MISP: variants seen among roughly 807,000 people sequenced by gnomAD.
MISP encodes mitotic spindle positioning, also known as mitotic interactor and substrate of PLK1.
In MISP, 51 loss-of-function variants were observed where a neutral mutation model predicts 49.3. The observed-to-expected ratio is 1.03, with a 90% CI of 0.83 to 1.31. The LOEUF (loss-of-function observed/expected upper bound fraction) is 1.31, where lower values mean the gene tolerates loss of function less well. Among genes scored for constraint, MISP ranks in the 50% most tolerant of loss-of-function variants. The probability of loss-of-function intolerance (pLI) is 0.00; values close to 1 mark genes in which losing one functional copy is unlikely to be tolerated. For synonymous variants in MISP, 444 were observed against 392.6 expected, an observed-to-expected ratio of 1.13 and a Z score of -1.55; for missense variants, 1,084 against 935.1, an observed-to-expected ratio of 1.16 and a Z score of -2.08.
rs1027483791 is a variant in MISP at position 757,838 on chromosome 19, C to T, written c.892C>T (p.Arg298Cys). 8.1e-6 allele frequency: 13 copies of T among 1,611,300 alleles called. No individual in the cohort carries two copies. The highest frequency in any genetic ancestry group is 2.2e-5 in the East Asian group (1 of 44,820). Residue 298 changes from arginine (R) to cysteine (C), a missense_variant, in exon 2 of 5, where the codon CGT (arginine) becomes TGT (cysteine). Transcript: ENST00000215582. ...GGAGACGCCCATCGAGCGGGAGATC[C>T]GTCTGGCTCAGGAGCGTGAGGCAGA... ...PKETPIEREI[R>C]LAQEREADLR...
At position 757,143 on chromosome 19, in the gene MISP, T is replaced by C; in HGVS notation, c.197T>C (p.Val66Ala). ...CAGCAGGGCGTGCAGAGGCAGGGGGTGTCCTACAGCGTGCATGCCTACACT... is the reference window on the plus strand; with the variant it reads ...CAGCAGGGCGTGCAGAGGCAGGGGGCGTCCTACAGCGTGCATGCCTACACT... ...RAQQGVQRQG[V>A]SYSVHAYTGQ... Residue 66 changes from valine to alanine, a missense_variant, in exon 2 of 5, where the codon GTG becomes GCG. Val to Ala is a moderately conservative substitution (Grantham distance 64, BLOSUM62 0). Transcript: ENST00000215582. The C allele has an allele frequency of 6.2e-7, 1 of 1,612,480 alleles. No individual in the cohort carries two copies. Among genetic ancestry groups the C allele is most frequent in the Non-Finnish European group, 8.5e-7 (1 of 1,179,738 alleles).
chr19:757,643 G>T lies in MISP; in HGVS notation c.697G>T (p.Ala233Ser). 1 of 1,613,028 alleles carries T rather than the reference G, an allele frequency of 6.2e-7. No homozygotes were observed. The highest frequency in any genetic ancestry group is 8.5e-7 in the Non-Finnish European group (1 of 1,179,754). Residue 233 changes from alanine to serine, a missense_variant, in exon 2 of 5, where the codon GCC becomes TCC. Ala to Ser is a moderately conservative substitution (Grantham distance 99). Transcript: ENST00000215582. ...TTPGASQAPK[A>S]FNKPHLANGH... ...CCCAGGGGCCAGCCAGGCCCCCAAG[G>T]CCTTCAACAAGCCCCACCTGGCCAA...
chr19:756,801 A>G (rs1599182594), intron 1 of MISP, 89 bp from the exon 2 acceptor site: 1 of 672,684 alleles, frequency 1.5e-6, no homozygotes, highest in Admixed American at 3.0e-5. Context: ...AGGCCATTTG[A>G]TGGACCCTTT....
At chr19:754,504 G>A (rs989604767) in intron 1 of MISP, among the ~76,000 whole-genome samples, 13 of 152,314 alleles carry the variant, frequency 8.5e-5, no homozygotes, top group Non-Finnish European at 1.2e-4. Context: ...GCGGGTGCCC[G>A]TAGTCCCAGC....
chr19:759,886 C>T, intron 2 of MISP, 23 bp from the exon 3 acceptor site: 2 of 1,613,460 alleles, frequency 1.2e-6, no homozygotes, highest in Non-Finnish European at 1.7e-6. Context: ...TTCTAATGTT[C>T]TGCCCTCCCT....
At chr19:759,826 C>T in intron 2 of MISP, 83 bp from the exon 3 acceptor site, 1 of 1,529,442 alleles carries the variant, frequency 6.5e-7, no homozygotes, top group Non-Finnish European at 8.9e-7. Context: ...CATCTGTCTC[C>T]TTAGCTGCTG....
In MISP at chr19:757,239, G is replaced by A. The variant is rs1313195551; in HGVS notation, c.293G>A (p.Gly98Asp). ...EDEGWQVYRLGARDAHQGRPT... is the reference protein window; with the variant it reads ...EDEGWQVYRLDARDAHQGRPT... The stretch of plus-strand genomic sequence containing the variant: ...GAGGGTTGGCAGGTTTACCGCCTGG[G>A]CGCCAGGGATGCCCACCAGGGACGT... The change falls in exon 2 of 5, where the codon GGC (glycine) becomes GAC (aspartate). Residue 98 changes from glycine to aspartate, a missense_variant. By Grantham distance (94) the Gly-to-Asp change is moderately conservative. Transcript: ENST00000215582. 1.2e-6 allele frequency: 2 copies of A among 1,613,730 alleles called. No individual in the cohort carries two copies. Among genetic ancestry groups the A allele is most frequent in the Non-Finnish European group, 8.5e-7 (1 of 1,179,984 alleles).
Position 757,060 on chromosome 19 carries a change from C to T in MISP, c.114C>T (p.Pro38=), listed in dbSNP as rs369681774. The change falls in exon 2 of 5, where the codon CCC becomes CCT. Residue 38 remains proline (P), a synonymous_variant. Coordinates refer to ENST00000215582, the MANE Select transcript of MISP (RefSeq NM_173481.4). ...SYTYHLVCMG[P]EASGWGQDEP... The stretch of plus-strand genomic sequence containing the variant: ...CATACCATCTGGTGTGCATGGGCCC[C>T]GAGGCCAGCGGCTGGGGCCAGGATG... 4.2e-5 allele frequency: 68 copies of T among 1,611,068 alleles called. No homozygotes were observed. In the East Asian group the frequency reaches 1.3e-3, roughly 30 times the overall value.
upstream of MISP, among the ~76,000 whole-genome samples, chr19:749,779 G>C (rs1216269055): frequency 1.3e-5 from 2 of 152,042 alleles, no homozygotes; most frequent in South Asian, 2.1e-4. Context: ...AGCCGAGATC[G>C]TGCCACTGCA....
intron 1 of MISP, among the ~76,000 whole-genome samples, chr19:751,876 C>T (rs1230901874): frequency 6.6e-6 from 1 of 152,162 alleles, no homozygotes; most frequent in Non-Finnish European, 1.5e-5. Flanking sequence ...GCATGGCCTC[C>T]TTGTCTGAGT....
At chr19:749,137 CA>C (rs1396883588), upstream of MISP, among the ~76,000 whole-genome samples, 1 of 152,162 alleles carries the variant, frequency 6.6e-6, no homozygotes, top group Non-Finnish European at 1.5e-5. Flanking sequence ...GACTCTGTCT[CA>C]AATAAAATAA....
chr19:754,292 G>A (rs991127838), intron 1 of MISP, among the ~76,000 whole-genome samples: 5 of 152,278 alleles, frequency 3.3e-5, no homozygotes, highest in East Asian at 1.9e-4. Context: ...GTGAAACCCC[G>A]TCTCTACTAA....
Position 763,748 on chromosome 19 carries a change from T to C in MISP, c.*158T>C. The C allele has an allele frequency of 1.7e-6, 1 of 595,074 alleles. No individual in the cohort carries two copies. The highest frequency in any genetic ancestry group is 3.0e-6 in the Non-Finnish European group (1 of 335,088). 36.9% of individuals were successfully genotyped at this position (595,074 alleles called of 1,614,324 possible). Reference sequence around the variant, plus strand: ...ATCCCACCATGGGCACATTTGGGACTGTTGGGTTTTTCGTTTCCGTTTCTA... The same window carrying C: ...ATCCCACCATGGGCACATTTGGGACCGTTGGGTTTTTCGTTTCCGTTTCTA... On this transcript the variant is annotated 3_prime_UTR_variant, in exon 5 of 5. Coordinates refer to ENST00000215582, the MANE Select transcript of MISP (RefSeq NM_173481.4).
Position 763,641 on chromosome 19 carries a change from C to A in MISP, c.*51C>A. On this transcript the variant is annotated 3_prime_UTR_variant, in exon 5 of 5. Transcript: ENST00000215582. ...TGCCCTGCCCTGACCCTCGTGGGAACTGCCAAGACCATCGCCAAGCCCCCA... is the reference window on the plus strand; with the variant it reads ...TGCCCTGCCCTGACCCTCGTGGGAAATGCCAAGACCATCGCCAAGCCCCCA... 7.3e-7 allele frequency: 1 copy of A among 1,366,198 alleles called. No individual in the cohort carries two copies. The highest frequency in any genetic ancestry group is 1.0e-6 in the Non-Finnish European group (1 of 967,168). 84.6% of individuals were successfully genotyped at this position (1,366,198 alleles called of 1,614,324 possible).
At position 758,001 on chromosome 19, in the gene MISP, A is replaced by G. The variant is rs1267444554; in HGVS notation, c.1055A>G (p.Gln352Arg). The stretch of plus-strand genomic sequence containing the variant: ...AGAGGGCGCCCGTCCCTCTACGTGC[A>G]GCGGGACATAGTACAGGAGACACAG... ...RERGRPSLYV[Q>R]RDIVQETQRE... is the part of the protein sequence containing the mutation. The change falls in exon 2 of 5, where the codon CAG (glutamine) becomes CGG (arginine). Residue 352 changes from glutamine to arginine, a missense_variant. By Grantham distance (43) the Gln-to-Arg change is conservative. Coordinates refer to ENST00000215582, the MANE Select transcript of MISP (RefSeq NM_173481.4). The G allele has an allele frequency of 1.2e-5, 19 of 1,574,170 alleles. No homozygotes were observed. The highest frequency in any genetic ancestry group is 1.5e-5 in the Non-Finnish European group (18 of 1,164,686).
chr19:752,478 C>G (rs1267991720), intron 1 of MISP, among the ~76,000 whole-genome samples: 1 of 150,096 alleles, frequency 6.7e-6, no homozygotes, highest in South Asian at 2.1e-4. Flanking sequence ...GAATGGAGAT[C>G]GCGCCACTGC....
chr19:759,932 T>G lies in MISP; in HGVS notation c.1804T>G (p.Ser602Ala). 6.2e-7 allele frequency: 1 copy of G among 1,614,060 alleles called. No individual in the cohort carries two copies. Among genetic ancestry groups the G allele is most frequent in the Non-Finnish European group, 8.5e-7 (1 of 1,179,962 alleles). The change falls in exon 3 of 5, where the codon TCT becomes GCT. Residue 602 changes from serine to alanine, a missense_variant. Physicochemically the swap from Ser to Ala is moderately conservative, Grantham distance 99. Transcript: ENST00000215582. ...ASGITGSYSVSESPFFSPIHL... is the reference protein window; with the variant it reads ...ASGITGSYSVAESPFFSPIHL... Reference sequence around the variant, plus strand: ...AGGCATCACGGGCAGTTACTCGGTGTCTGAGTCTCCCTTCTTCAGCCCCAT... The same window carrying G: ...AGGCATCACGGGCAGTTACTCGGTGGCTGAGTCTCCCTTCTTCAGCCCCAT...
At chr19:761,523 C>G in intron 3 of MISP, 102 bp from the exon 4 acceptor site, 1 of 1,375,882 alleles carries the variant, frequency 7.3e-7, no homozygotes, top group Non-Finnish European at 1.0e-6. Context: ...GCCTTCCACT[C>G]TTCCCCAAAT....
intron 4 of MISP, 98 bp downstream of exon 4, chr19:761,761 G>T: frequency 7.6e-7 from 1 of 1,307,524 alleles, no homozygotes; most frequent in South Asian, 1.2e-5. Flanking sequence ...CCAGGTGTGG[G>T]GATCGTATTG....
Sources: allele counts gnomAD v4.1 joint callset (sites outside exome capture counted in the v4.1 genomes callset), GRCh38; gene constraint gnomAD v4.1.1; transcripts MANE v1.5; gene names NCBI Gene and HGNC (gene_info 2026-07-23, HGNC 2026-07-21).